Variants in VDAC1 observed in about 807,000 individuals in gnomAD.
VDAC1 encodes the protein voltage dependent anion channel 1.
A neutral mutation model predicts 34.7 loss-of-function variants in VDAC1; 10 were observed. The observed-to-expected ratio is 0.29, with a 90% CI of 0.18 to 0.49. The LOEUF (loss-of-function observed/expected upper bound fraction) is 0.49, where lower values mean the gene tolerates loss of function less well. VDAC1 is among the 20% of genes least tolerant of loss of function. VDAC1 has a pLI of 0.99. For missense variants in VDAC1, 230 were observed against 347.9 expected (o/e 0.66, Z 2.69); for synonymous variants, 130 against 136.0 (o/e 0.96, Z 0.30).
chr5:134,090,737 T>C, the VDAC1 span, among the ~76,000 whole-genome samples: 1 of 152,254 alleles, frequency 6.6e-6, no homozygotes, highest in South Asian at 2.1e-4. Flanking sequence ...CGAATGCTTC[T>C]AAAAATATGG....
chr5:133,991,941 T>C (rs1018908220), intron 3 of VDAC1, among the ~76,000 whole-genome samples: 1 of 152,118 alleles, frequency 6.6e-6, no homozygotes, highest in Admixed American at 6.6e-5. Context: ...AAATCTTTTT[T>C]AAAAATAAAA....
intron 7 of VDAC1, among the ~76,000 whole-genome samples, chr5:133,975,464 CTTT>C (rs879616685): frequency 1.4e-5 from 2 of 139,754 alleles, no homozygotes; most frequent in Non-Finnish European, 3.1e-5. Context: ...GAGACGGAGT[CTTT>C]TTTTTTTTTT....
upstream of VDAC1, chr5:134,005,148 G>C (rs1580737659): frequency 6.6e-6 from 1 of 152,202 alleles, no homozygotes; most frequent in East Asian, 1.9e-4. Flanking sequence ...GACGCGCGGG[G>C]CTCCTGGGCC....
At chr5:134,014,594 G>A in the VDAC1 span, among the ~76,000 whole-genome samples, 1 of 152,056 alleles carries the variant, frequency 6.6e-6, no homozygotes, top group Non-Finnish European at 1.5e-5. Flanking sequence ...ATGGCTGAGT[G>A]CGGTGGCTCA....
the VDAC1 span, among the ~76,000 whole-genome samples, chr5:134,094,832 A>C: frequency 1.3e-5 from 2 of 152,058 alleles, no homozygotes; most frequent in Non-Finnish European, 2.9e-5. Context: ...TGCCATGTCC[A>C]GGGCAAAGTA....
At chr5:134,074,315 A>C in the VDAC1 span, among the ~76,000 whole-genome samples, 30 of 147,400 alleles carry the variant, frequency 2.0e-4, no homozygotes, top group South Asian at 1.5e-3. Flanking sequence ...AAAATAAATA[A>C]ATAAATAAAT....
At chr5:134,056,694 T>C in the VDAC1 span, among the ~76,000 whole-genome samples, 1 of 152,226 alleles carries the variant, frequency 6.6e-6, no homozygotes, top group East Asian at 1.9e-4. Flanking sequence ...GTTTTTCTTT[T>C]TCTTTTTTGA....
At chr5:134,102,092 C>G in the VDAC1 span, among the ~76,000 whole-genome samples, 1 of 152,134 alleles carries the variant, frequency 6.6e-6, no homozygotes, top group Non-Finnish European at 1.5e-5. Context: ...TTGAGGGTCC[C>G]GGGTCCAAAC....
intron 5 of VDAC1, among the ~76,000 whole-genome samples, chr5:133,982,887 T>C (rs1172540187): frequency 7.3e-6 from 1 of 137,246 alleles, no homozygotes; most frequent in Non-Finnish European, 1.5e-5. Context: ...TAAAACTCAG[T>C]CTCAAAAAAA....
At chr5:134,063,739 CAGA>C in the VDAC1 span, among the ~76,000 whole-genome samples, 3 of 152,306 alleles carry the variant, frequency 2.0e-5, no homozygotes, top group South Asian at 6.2e-4. Context: ...GTAAGACCAG[CAGA>C]AGAACTGTCC....
intron 6 of VDAC1, chr5:133,976,267 A>T (rs1212978481): frequency 9.7e-6 from 4 of 411,578 alleles, no homozygotes; most frequent in Non-Finnish European, 1.8e-5. Context: ...GCACTTTGGG[A>T]GGCCGAGATG....
intron 7 of VDAC1, 27 bp downstream of exon 7, chr5:133,975,844 G>A (rs1364462342): frequency 2.8e-5 from 45 of 1,610,544 alleles, no homozygotes; most frequent in Middle Eastern, 2.3e-4. Flanking sequence ...GCCTGCCTGT[G>A]AGATGCGTGA....
chr5:133,975,901 C>T lies in VDAC1; in HGVS notation c.672G>A (p.Lys224=). ...NSNTRFGIAA[K]YQIDPDACFS... ...AGCAGGCGTCAGGGTCAATCTGATA[C>T]TTGGCTGCTATTCCGAAGCGCGTGT... The change falls in exon 7 of 9, where the codon AAG becomes AAA. Residue 224 remains lysine, a synonymous_variant. Coordinates refer to ENST00000265333, the MANE Select transcript of VDAC1 (RefSeq NM_003374.3). 1 of 1,612,284 alleles carries T rather than the reference C, an allele frequency of 6.2e-7. No homozygotes were observed. The highest frequency in any genetic ancestry group is 8.5e-7 in the Non-Finnish European group (1 of 1,179,880).
chr5:134,085,722 T>TTAAAAAAAAAA, the VDAC1 span, among the ~76,000 whole-genome samples: 11 of 44,248 alleles, frequency 2.5e-4, 2 homozygotes, highest in Non-Finnish European at 1.8e-4. Flanking sequence ...ACCCCATTTC[T>TTAAAAAAAAAA]AAAAAAAAAA....
the VDAC1 span, among the ~76,000 whole-genome samples, chr5:134,066,850 T>G: frequency 6.6e-6 from 1 of 152,314 alleles, no homozygotes; most frequent in East Asian, 1.9e-4. Context: ...TCTGGTCACA[T>G]ACCACTGGCC....
At chr5:134,089,804 A>C in the VDAC1 span, among the ~76,000 whole-genome samples, 4 of 152,202 alleles carry the variant, frequency 2.6e-5, no homozygotes, top group African/African-American at 9.6e-5. Context: ...AGCCTGGCCA[A>C]CATGGTGAAA....
intron 1 of VDAC1, among the ~76,000 whole-genome samples, chr5:134,000,247 C>A (rs1338070466): frequency 6.6e-6 from 1 of 152,190 alleles, no homozygotes; most frequent in African/African-American, 2.4e-5. Context: ...GGTCTGCGTA[C>A]CCAATGCAGC....
At position 133,978,396 on chromosome 5, in the gene VDAC1, C is replaced by CA. The variant is rs1752562011; in HGVS notation, c.551+2332dup. Among the ~76,000 whole-genome samples, 7 of 152,128 alleles carry CA rather than the reference C, an allele frequency of 4.6e-5. No individual in the cohort carries two copies. The South Asian group carries it at 1.4e-3, about 32-fold the overall frequency. ...AAGTGATCCTCCCGCCTCAGCCTCCCAAGTAGCTAGGATTACACGTATGAG... is the reference window on the plus strand; with the variant it reads ...AAGTGATCCTCCCGCCTCAGCCTCCCAAAGTAGCTAGGATTACACGTATGAG... On this transcript the variant is annotated intron_variant, in intron 6 of 8. Coordinates refer to ENST00000265333, the MANE Select transcript of VDAC1 (RefSeq NM_003374.3).
the VDAC1 span, among the ~76,000 whole-genome samples, chr5:134,033,044 C>G: frequency 0.47 from 68,759 of 146,698 alleles, 16,355 homozygotes; most frequent in South Asian, 0.66. Context: ...GGGGAGGGGA[C>G]GGGAAGGGAG....
Sources: allele counts gnomAD v4.1 joint callset (sites outside exome capture counted in the v4.1 genomes callset), GRCh38; gene constraint gnomAD v4.1.1; transcripts MANE v1.5; gene names NCBI Gene and HGNC (gene_info 2026-07-23, HGNC 2026-07-21).